The following PKD2L1 variants were observed in gnomAD, a reference collection of about 807,000 sequenced individuals.
The protein encoded by PKD2L1 is polycystin-2-like protein 1.
In PKD2L1, 77 loss-of-function variants were observed where a neutral mutation model predicts 93.0. The ratio of observed to expected loss-of-function variants is 0.83; its 90% CI spans 0.69 to 1.00. PKD2L1 has a LOEUF of 1.00. Among genes scored for constraint, PKD2L1 ranks in the 50% least tolerant of loss-of-function variants. The pLI, the probability that PKD2L1 is intolerant of heterozygous loss-of-function variation, is 0.00. For synonymous variants in PKD2L1, 390 were observed against 388.0 expected (o/e 1.01, Z -0.06); for missense variants, 977 against 990.9 (o/e 0.99, Z 0.19).
chr10:100,325,039 C>G (rs1386098691), intron 2 of PKD2L1, among the ~76,000 whole-genome samples: 1 of 152,156 alleles, frequency 6.6e-6, no homozygotes, highest in African/African-American at 2.4e-5. Context: ...TACTGACTAG[C>G]CAAATTAAGT....
At chr10:100,289,092 A>T (rs1188567704) in intron 14 of PKD2L1, 36 bp from the exon 15 acceptor site, 1 of 1,489,830 alleles carries the variant, frequency 6.7e-7, no homozygotes, top group South Asian at 1.1e-5. Context: ...CATTTGAAGA[A>T]ATAGTTTGTG....
rs1848496253 is a variant in PKD2L1, at chr10:100,295,082, G to A, written c.1398C>T (p.Leu466=). 13 of 1,614,138 alleles carry A rather than the reference G, an allele frequency of 8.1e-6. 1 individual carries two copies. The Middle Eastern group carries it at 2.1e-3, about 266-fold the overall frequency. ...TGGCACAGCGGGCCAGCGTGGAGGA[G>A]AGCTGGGTCATGGTTTTGTTGAAGC... ...YISFNKTMTQ[L]SSTLARCAKD... Residue 466 remains leucine, a synonymous_variant, in exon 8 of 16, where the codon CTC becomes CTT. Transcript: ENST00000318222.
intron 11 of PKD2L1, among the ~76,000 whole-genome samples, chr10:100,291,651 C>T (rs1848409806): frequency 6.6e-6 from 1 of 152,208 alleles, no homozygotes; most frequent in Non-Finnish European, 1.5e-5. Flanking sequence ...TGACCTCCTA[C>T]AGGGATTATT....
chr10:100,299,910 C>T (rs868244759), intron 2 of PKD2L1, among the ~76,000 whole-genome samples, 192 bp from the exon 3 acceptor site: 11 of 152,318 alleles, frequency 7.2e-5, no homozygotes, highest in Middle Eastern at 6.8e-3. Flanking sequence ...AGGGTTGTAG[C>T]TACAATGTCT....
intron 7 of PKD2L1, 75 bp from the exon 8 acceptor site, chr10:100,295,198 A>G (rs1848500868): frequency 9.7e-6 from 12 of 1,238,466 alleles, no homozygotes; most frequent in South Asian, 1.4e-5. Flanking sequence ...CCAAGGGCCT[A>G]TGGAGGCCAC....
intron 2 of PKD2L1, among the ~76,000 whole-genome samples, chr10:100,318,588 G>A (rs922662801): frequency 2.7e-5 from 4 of 150,120 alleles, no homozygotes; most frequent in South Asian, 2.1e-4. Flanking sequence ...GCGTGATCTC[G>A]GCTCACTGCA....
chr10:100,295,267 C>CA, intron 7 of PKD2L1, 144 bp from the exon 8 acceptor site: 1 of 660,898 alleles, frequency 1.5e-6, no homozygotes, highest in Non-Finnish European at 2.7e-6. Context: ...GAGAATGATA[C>CA]AAAAATTAGC....
In PKD2L1 at chr10:100,289,065, A is replaced by T; in HGVS notation, c.2251-9T>A. On this transcript the variant is annotated splice_polypyrimidine_tract_variant and intron_variant, in intron 14 of 15. Transcript: ENST00000318222. Reference sequence around the variant, plus strand: ...CAAATAGCTTGTTCCTTCTGTTGGAAGAAGAAAGGGACAAATCATTTGAAG... The same window carrying T: ...CAAATAGCTTGTTCCTTCTGTTGGATGAAGAAAGGGACAAATCATTTGAAG... 6.3e-7 allele frequency: 1 copy of T among 1,599,480 alleles called. No individual in the cohort carries two copies. Among genetic ancestry groups the T allele is most frequent in the South Asian group, 1.1e-5 (1 of 90,476 alleles).
chr10:100,304,997 T>C (rs1290483087), intron 2 of PKD2L1, among the ~76,000 whole-genome samples: 1 of 152,196 alleles, frequency 6.6e-6, no homozygotes, highest in Admixed American at 6.5e-5. Context: ...CAATAAGTAG[T>C]TGAGTAGCTT....
chr10:100,313,093 C>T (rs886139252), intron 2 of PKD2L1, among the ~76,000 whole-genome samples: 19 of 152,116 alleles, frequency 1.2e-4, no homozygotes, highest in African/African-American at 2.9e-4. Flanking sequence ...TGATTCCACA[C>T]GCTCCTGTAG....
chr10:100,318,996 C>G (rs923846206), intron 2 of PKD2L1, among the ~76,000 whole-genome samples: 3 of 151,912 alleles, frequency 2.0e-5, no homozygotes, highest in African/African-American at 7.3e-5. Flanking sequence ...CAGGCACACA[C>G]CGCTGTGCCC....
intron 14 of PKD2L1, 39 bp from the exon 15 acceptor site, chr10:100,289,095 A>G: frequency 6.9e-7 from 1 of 1,440,604 alleles, no homozygotes; most frequent in African/African-American, 1.4e-5. Flanking sequence ...TTGAAGAAAT[A>G]GTTTGTGTAC....
At chr10:100,318,005 G>A (rs1156382088) in intron 2 of PKD2L1, among the ~76,000 whole-genome samples, 2 of 152,090 alleles carry the variant, frequency 1.3e-5, no homozygotes, top group Admixed American at 6.5e-5. Flanking sequence ...ACTTGAACCT[G>A]GGAGGCGGAG....
At chr10:100,302,256 TACACAC>T (rs56239118) in intron 2 of PKD2L1, among the ~76,000 whole-genome samples, 6 of 147,124 alleles carry the variant, frequency 4.1e-5, no homozygotes, top group Admixed American at 1.3e-4. Flanking sequence ...CACACACGCA[TACACAC>T]ACACACACAC....
intron 2 of PKD2L1, among the ~76,000 whole-genome samples, chr10:100,312,169 A>G (rs1396322392): frequency 1.3e-5 from 2 of 152,220 alleles, no homozygotes; most frequent in African/African-American, 4.8e-5. Flanking sequence ...CAGGGTATAC[A>G]CTGAAGGTTG....
At chr10:100,288,767 A>G (rs1028250823) in intron 15 of PKD2L1, among the ~76,000 whole-genome samples, 8 of 152,222 alleles carry the variant, frequency 5.3e-5, no homozygotes, top group Non-Finnish European at 1.2e-4. Flanking sequence ...ATGTGGCAAC[A>G]CACAGAAACA....
Position 100,301,462 on chromosome 10 carries a change from C to A in PKD2L1, c.350-1744G>T, listed in dbSNP as rs892313015. On this transcript the variant is annotated intron_variant, in intron 2 of 15. Transcript: ENST00000318222. ...GAGCAGCCATTTTAGAGGCCCCCCC[C>A]CCGGGAATGCATTCTTTTCCCAGGG... is the stretch of plus-strand genomic sequence containing the variant. 9.4e-4 allele frequency among the ~76,000 whole-genome samples: 142 copies of A among 151,808 alleles called. 1 individual carries two copies. The highest frequency in any genetic ancestry group is 1.5e-3 in the Non-Finnish European group (100 of 67,892).
chr10:100,294,704 A>G, intron 8 of PKD2L1, 49 bp from the exon 9 acceptor site: 1 of 1,610,314 alleles, frequency 6.2e-7, no homozygotes, highest in South Asian at 1.1e-5. Flanking sequence ...AACACCCCCC[A>G]TCCCACTTTC....
intron 2 of PKD2L1, among the ~76,000 whole-genome samples, chr10:100,305,945 G>A (rs180797426): frequency 2.0e-5 from 3 of 152,218 alleles, no homozygotes; most frequent in East Asian, 3.9e-4. Flanking sequence ...CACTTTGAGA[G>A]GCTGATGCAG....
Sources: gnomAD v4.1 joint callset for allele counts (sites outside exome capture counted in the v4.1 genomes callset) on GRCh38, gnomAD v4.1.1 for gene constraint, MANE v1.5 for transcripts, NCBI Gene and HGNC (gene_info 2026-07-23, HGNC 2026-07-21) for gene names.